SLC7A7: variants seen among roughly 807,000 people sequenced by gnomAD.
SLC7A7 encodes the protein Y+L amino acid transporter 1.
SLC7A7 carries 39 observed loss-of-function variants against 47.9 expected under a neutral mutation model. That is an observed-to-expected ratio of 0.81 (90% CI 0.63 to 1.06). SLC7A7 has a LOEUF of 1.06. SLC7A7 is among the 50% of genes least tolerant of loss of function. The probability of loss-of-function intolerance (pLI) is 0.00; values close to 1 mark genes in which losing one functional copy is unlikely to be tolerated. For synonymous variants in SLC7A7, 234 were observed against 242.8 expected (o/e 0.96, Z 0.34); for missense variants, 588 against 632.0 (o/e 0.93, Z 0.75).
chr14:22,790,901 G>A (rs1169911637), intron 2 of SLC7A7, among the ~76,000 whole-genome samples: 1 of 151,746 alleles, frequency 6.6e-6, no homozygotes, highest in Non-Finnish European at 1.5e-5. Context: ...GGGAGGCTGA[G>A]GCAGGAGAAT....
At position 22,813,241 on chromosome 14, in the gene SLC7A7, G is replaced by A. The variant is rs386833793; in HGVS notation, c.158C>T (p.Ser53Leu). 5 of 1,613,686 alleles carry A rather than the reference G, an allele frequency of 3.1e-6. No homozygotes were observed. The highest frequency in any genetic ancestry group is 1.3e-5 in the African/African-American group (1 of 74,902). ...ACCCTTGGGGGAAACAAAGATGCCC[G>A]AGCCGATCATGTTCCCCACAATCAG... Reference protein sequence around the residue: ...VCLIVGNMIGSGIFVSPKGVL... With the variant: ...VCLIVGNMIGLGIFVSPKGVL... The change falls in exon 2 of 10, where the codon TCG becomes TTG. Residue 53 changes from serine to leucine, a missense_variant. Ser to Leu is a moderately radical substitution (Grantham distance 145). Transcript: ENST00000674313.
chr14:22,775,318 C>A, intron 7 of SLC7A7, 126 bp downstream of exon 7: 2 of 847,130 alleles, frequency 2.4e-6, no homozygotes, highest in Admixed American at 1.8e-5. Flanking sequence ...GGTGAACATT[C>A]TGATCCACCA....
At chr14:22,775,656 T>G in intron 6 of SLC7A7, 116 bp from the exon 7 acceptor site, 1 of 985,574 alleles carries the variant, frequency 1.0e-6, no homozygotes, top group South Asian at 1.3e-5. Flanking sequence ...ATTTGGATAA[T>G]ATGGACTGGA....
intron 9 of SLC7A7, 82 bp from the exon 10 acceptor site, chr14:22,773,798 GGGGAGTGAT>G (rs1338117592): frequency 6.6e-7 from 1 of 1,525,930 alleles, no homozygotes; most frequent in Non-Finnish European, 9.1e-7. Flanking sequence ...CTCAGTGTGA[GGGGAGTGAT>G]TCCACTAAGC....
chr14:22,791,927 T>C lies in SLC7A7; in HGVS notation c.500-11876A>G, dbSNP rs937448682. On this transcript the variant is annotated intron_variant, in intron 2 of 9. Coordinates refer to ENST00000674313, the MANE Select transcript of SLC7A7 (RefSeq NM_003982.4). ...TCGGCTCACTGCAAGCTCCGCCTCCTGGGTTCACGCCATTCTCCTGCCTCA... is the reference window on the plus strand; with the variant it reads ...TCGGCTCACTGCAAGCTCCGCCTCCCGGGTTCACGCCATTCTCCTGCCTCA... 4.0e-5 allele frequency among the ~76,000 whole-genome samples: 6 copies of C among 150,760 alleles called. No individual in the cohort carries two copies. The East Asian group carries it at 5.9e-4, about 15-fold the overall frequency.
intron 2 of SLC7A7, among the ~76,000 whole-genome samples, chr14:22,788,808 ATATCCATTTACAT>A (rs2038872596): frequency 6.6e-6 from 1 of 152,168 alleles, no homozygotes; most frequent in South Asian, 2.1e-4. Flanking sequence ...CATATAGATT[ATATCCATTTACAT>A]AAAATCAGAG....
chr14:22,789,653 G>C (rs1022702529), intron 2 of SLC7A7, among the ~76,000 whole-genome samples: 7 of 149,336 alleles, frequency 4.7e-5, no homozygotes, highest in African/African-American at 1.7e-4. Flanking sequence ...AAAGAAAAAA[G>C]TTGCAGACAG....
intron 2 of SLC7A7, among the ~76,000 whole-genome samples, chr14:22,806,959 G>A (rs1375190911): frequency 6.7e-6 from 1 of 148,490 alleles, no homozygotes. Flanking sequence ...GTGCAGTGGC[G>A]CGATCTGGGC....
At chr14:22,794,679 C>T (rs901627175) in intron 2 of SLC7A7, among the ~76,000 whole-genome samples, 2 of 152,088 alleles carry the variant, frequency 1.3e-5, no homozygotes, top group African/African-American at 2.4e-5. Flanking sequence ...TAATCACCTA[C>T]GGAAATAACC....
chr14:22,792,388 C>T (rs900055733), intron 2 of SLC7A7, among the ~76,000 whole-genome samples: 1 of 152,038 alleles, frequency 6.6e-6, no homozygotes, highest in Non-Finnish European at 1.5e-5. Flanking sequence ...CATAGCAAGA[C>T]CCTTTCTCTA....
At chr14:22,815,918 T>G, upstream of SLC7A7, 1 of 342,378 alleles carries the variant, frequency 2.9e-6, no homozygotes, top group Non-Finnish European at 5.8e-6. Context: ...GTAAGAGCAG[T>G]CTCTACACCA....
chr14:22,781,273 TG>T (rs892432823), intron 2 of SLC7A7, among the ~76,000 whole-genome samples: 7 of 152,176 alleles, frequency 4.6e-5, no homozygotes, highest in Admixed American at 2.0e-4. Flanking sequence ...GGTGTGGCCT[TG>T]GTGTCGCTAG....
chr14:22,775,545 G>A lies in SLC7A7; in HGVS notation c.999-5C>T, dbSNP rs2139387275. ...CTTGAGCCCACAAAGAAAAGCCTAT[G>A]TTAGGTAAGATAGGAGAAGCTGAGA... On this transcript the variant is annotated splice_region_variant and splice_polypyrimidine_tract_variant and intron_variant, in intron 6 of 9. Transcript: ENST00000674313. 1.2e-6 allele frequency: 2 copies of A among 1,612,366 alleles called. No homozygotes were observed. The highest frequency in any genetic ancestry group is 1.7e-6 in the Non-Finnish European group (2 of 1,178,364).
chr14:22,798,421 A>G (rs779772392), intron 2 of SLC7A7, among the ~76,000 whole-genome samples: 26 of 152,208 alleles, frequency 1.7e-4, no homozygotes, highest in Non-Finnish European at 2.8e-4. Context: ...GCTGTTCACC[A>G]CCATGCACCA....
upstream of SLC7A7, among the ~76,000 whole-genome samples, chr14:22,819,261 G>A (rs2039445618): frequency 6.6e-6 from 1 of 152,074 alleles, no homozygotes; most frequent in Non-Finnish European, 1.5e-5. Flanking sequence ...CAATCAGTCT[G>A]TGCTGCCTCC....
Position 22,781,668 on chromosome 14 carries a change from A to G in SLC7A7, c.500-1617T>C, listed in dbSNP as rs191340515. On this transcript the variant is annotated intron_variant, in intron 2 of 9. Coordinates refer to ENST00000674313, the MANE Select transcript of SLC7A7 (RefSeq NM_003982.4). Reference sequence around the variant, plus strand: ...TCAAATCTGTCACTCCTCCTCAGCCAGTCACCCATCCTTTACTCCCCACTG... The same window carrying G: ...TCAAATCTGTCACTCCTCCTCAGCCGGTCACCCATCCTTTACTCCCCACTG... Among the ~76,000 whole-genome samples the G allele has an allele frequency of 2.0e-5, 3 of 152,238 alleles. No individual in the cohort carries two copies. The East Asian group carries it at 5.8e-4, about 29-fold the overall frequency.
chr14:22,773,721 A>G lies in SLC7A7; in HGVS notation c.1430-5T>C. ...GGAGGTACCTTGTGGCAGACCCTAC[A>G]AAGAGAACTTTGAGTTGGAATTGAG... On this transcript the variant is annotated splice_region_variant and splice_polypyrimidine_tract_variant and intron_variant, in intron 9 of 9. Transcript: ENST00000674313. 2 of 1,613,920 alleles carry G rather than the reference A, an allele frequency of 1.2e-6. No homozygotes were observed. Among genetic ancestry groups the G allele is most frequent in the Non-Finnish European group, 1.7e-6 (2 of 1,179,860 alleles).
intron 4 of SLC7A7, among the ~76,000 whole-genome samples, chr14:22,776,722 C>T (rs1331270063): frequency 6.6e-6 from 1 of 152,012 alleles, no homozygotes. Flanking sequence ...AATCCCAGCA[C>T]TTTGGGAGGC....
At chr14:22,804,473 G>T (rs2039167763) in intron 2 of SLC7A7, among the ~76,000 whole-genome samples, 1 of 151,954 alleles carries the variant, frequency 6.6e-6, no homozygotes, top group Admixed American at 6.6e-5. Flanking sequence ...ATCTGAAAAA[G>T]GTCTAATAAC....
Sources: allele counts gnomAD v4.1 joint callset (sites outside exome capture counted in the v4.1 genomes callset), GRCh38; gene constraint gnomAD v4.1.1; transcripts MANE v1.5; gene names NCBI Gene and HGNC (gene_info 2026-07-23, HGNC 2026-07-21).